GUCY1A2: variants seen among roughly 807,000 people sequenced by gnomAD.
GUCY1A2 encodes guanylate cyclase 1 soluble subunit alpha 2, also known as guanylate cyclase soluble subunit alpha-2.
In GUCY1A2, 27 loss-of-function variants were observed where a neutral mutation model predicts 63.5. That is an observed-to-expected ratio of 0.43 (90% CI 0.31 to 0.59). The LOEUF is 0.59. Among genes scored for constraint, GUCY1A2 ranks in the 20% least tolerant of loss-of-function variants. The pLI is 0.11. For missense variants in GUCY1A2, 768 were observed against 913.3 expected (o/e 0.84, Z 2.05); for synonymous variants, 364 against 343.5 (o/e 1.06, Z -0.66).
At position 106,946,985 on chromosome 11, in the gene GUCY1A2, G is replaced by A. The variant is rs145712036; in HGVS notation, c.488-6807C>T. On this transcript the variant is annotated intron_variant, in intron 3 of 7. Coordinates refer to ENST00000526355, the MANE Select transcript of GUCY1A2 (RefSeq NM_000855.3). ...TGTAATCCCAGCACTTTGGGAGGCCGAGGCGGGTGGATAATGAAGTCAGGA... is the reference window on the plus strand; with the variant it reads ...TGTAATCCCAGCACTTTGGGAGGCCAAGGCGGGTGGATAATGAAGTCAGGA... Among the ~76,000 whole-genome samples the A allele has an allele frequency of 8.2e-3, 1,253 of 152,170 alleles. 12 individuals are homozygous for A. Among genetic ancestry groups the A allele is most frequent in the African/African-American group, 0.028 (1,161 of 41,522 alleles).
intron 4 of GUCY1A2, among the ~76,000 whole-genome samples, chr11:106,812,122 G>T (rs759752056): frequency 1.3e-5 from 2 of 151,804 alleles, no homozygotes; most frequent in African/African-American, 4.8e-5. Flanking sequence ...GATCTTAAGG[G>T]CATGGTAAGG....
intron 4 of GUCY1A2, among the ~76,000 whole-genome samples, chr11:106,835,915 T>C (rs1004194006): frequency 6.6e-6 from 1 of 151,564 alleles, no homozygotes; most frequent in Non-Finnish European, 1.5e-5. Context: ...ATTAAAAAAA[T>C]AGGAAACAAA....
chr11:106,839,559 C>T (rs188598451), intron 4 of GUCY1A2, among the ~76,000 whole-genome samples: 9 of 151,956 alleles, frequency 5.9e-5, no homozygotes, highest in African/African-American at 1.7e-4. Context: ...CACATGCACA[C>T]GTATGTTTAT....
intron 4 of GUCY1A2, among the ~76,000 whole-genome samples, chr11:106,936,409 G>T (rs1860677874): frequency 6.6e-6 from 1 of 152,126 alleles, no homozygotes; most frequent in African/African-American, 2.4e-5. Context: ...AATCTGTTGG[G>T]TTTTTTAAAA....
chr11:106,975,464 A>G (rs577686788), intron 3 of GUCY1A2, among the ~76,000 whole-genome samples: 1 of 152,314 alleles, frequency 6.6e-6, no homozygotes, highest in Non-Finnish European at 1.5e-5. Context: ...TATGCAAAAG[A>G]CATTATGTAC....
chr11:106,836,722 C>T (rs777255414), intron 4 of GUCY1A2, among the ~76,000 whole-genome samples: 4 of 151,906 alleles, frequency 2.6e-5, no homozygotes, highest in Non-Finnish European at 5.9e-5. Flanking sequence ...ATTAGCATCA[C>T]ATGCCATTTT....
intron 5 of GUCY1A2, among the ~76,000 whole-genome samples, chr11:106,804,158 A>G (rs920566371): frequency 1.3e-5 from 2 of 152,222 alleles, no homozygotes; most frequent in African/African-American, 4.8e-5. Flanking sequence ...TTATTGAGTG[A>G]ATGAATGAGT....
At chr11:106,934,625 C>A (rs1055172039) in intron 4 of GUCY1A2, among the ~76,000 whole-genome samples, 3 of 152,086 alleles carry the variant, frequency 2.0e-5, no homozygotes, top group African/African-American at 7.2e-5. Context: ...TGTTTCCCAG[C>A]GTTTGATTGT....
chr11:106,904,767 C>CAAA (rs543493159), intron 4 of GUCY1A2, among the ~76,000 whole-genome samples: 1 of 145,380 alleles, frequency 6.9e-6, no homozygotes, highest in Non-Finnish European at 1.5e-5. Context: ...AGTGAGAGCT[C>CAAA]AAAAAAAAAC....
rs1291278947 is a variant in GUCY1A2 at position 106,708,672 on chromosome 11, G to T, written c.1837-6C>A. On this transcript the variant is annotated splice_polypyrimidine_tract_variant and splice_region_variant and intron_variant, in intron 6 of 7. Coordinates refer to ENST00000526355, the MANE Select transcript of GUCY1A2 (RefSeq NM_000855.3). ...GAGTGAATTCCTATCCTCATCTAAAGAAGAATGAAAGAGGAAAAGGAACAT... is the reference window on the plus strand; with the variant it reads ...GAGTGAATTCCTATCCTCATCTAAATAAGAATGAAAGAGGAAAAGGAACAT... The T allele has an allele frequency of 6.4e-7, 1 of 1,566,276 alleles. No individual in the cohort carries two copies. The highest frequency in any genetic ancestry group is 1.8e-5 in the Admixed American group (1 of 56,084).
chr11:106,813,010 GTT>G (rs774092262), intron 4 of GUCY1A2, among the ~76,000 whole-genome samples: 1 of 151,746 alleles, frequency 6.6e-6, no homozygotes, highest in African/African-American at 2.4e-5. Context: ...CTTGAATTAT[GTT>G]TCTCATAATT....
At chr11:106,897,575 G>A (rs1238099736) in intron 4 of GUCY1A2, among the ~76,000 whole-genome samples, 1 of 151,364 alleles carries the variant, frequency 6.6e-6, no homozygotes, top group Non-Finnish European at 1.5e-5. Flanking sequence ...ACTGATCTTT[G>A]ACAAAGGAGC....
chr11:106,823,055 T>C (rs1196807569), intron 4 of GUCY1A2, among the ~76,000 whole-genome samples: 2 of 152,200 alleles, frequency 1.3e-5, no homozygotes, highest in Non-Finnish European at 2.9e-5. Flanking sequence ...ATGATATTTG[T>C]TTAGTTTCCT....
intron 6 of GUCY1A2, among the ~76,000 whole-genome samples, chr11:106,743,346 T>C (rs1269161970): frequency 6.6e-6 from 1 of 152,204 alleles, no homozygotes; most frequent in Non-Finnish European, 1.5e-5. Context: ...GGGGCTTCTA[T>C]TAGCTCCACC....
At position 106,998,198 on chromosome 11, in the gene GUCY1A2, A is replaced by G. The variant is rs576432757; in HGVS notation, c.304-12067T>C. The stretch of plus-strand genomic sequence containing the variant: ...AAAGACATCAAAACTTGCTCACTTG[A>G]GAACCAAACTGTAAACTATGTAGTA... On this transcript the variant is annotated intron_variant, in intron 1 of 7. Coordinates refer to ENST00000526355, the MANE Select transcript of GUCY1A2 (RefSeq NM_000855.3). Among the ~76,000 whole-genome samples, 4 of 152,308 alleles carry G rather than the reference A, an allele frequency of 2.6e-5. No individual in the cohort carries two copies. In the South Asian group the frequency reaches 8.3e-4, roughly 32 times the overall value.
chr11:106,847,259 A>T (rs12575226), intron 4 of GUCY1A2, among the ~76,000 whole-genome samples: 7,249 of 141,178 alleles, frequency 0.051, 607 homozygotes, highest in East Asian at 0.25. Flanking sequence ...TATATATATA[A>T]AAAATTGTGG....
chr11:106,841,934 C>T (rs1859204336), intron 4 of GUCY1A2, among the ~76,000 whole-genome samples: 1 of 151,814 alleles, frequency 6.6e-6, no homozygotes, highest in Admixed American at 6.6e-5. Context: ...CTCTTCAGAA[C>T]CACCTTCCAC....
chr11:106,920,620 C>T (rs1190111010), intron 4 of GUCY1A2, among the ~76,000 whole-genome samples: 1 of 152,006 alleles, frequency 6.6e-6, no homozygotes, highest in African/African-American at 2.4e-5. Context: ...TTTGTTTAAA[C>T]ATTTCCATTT....
intron 5 of GUCY1A2, among the ~76,000 whole-genome samples, chr11:106,793,513 T>G (rs985170677): frequency 6.6e-6 from 1 of 151,440 alleles, no homozygotes; most frequent in South Asian, 2.1e-4. Flanking sequence ...TACATCAGAC[T>G]AAAAATATTC....
Sources: allele counts gnomAD v4.1 joint callset (sites outside exome capture counted in the v4.1 genomes callset), GRCh38; gene constraint gnomAD v4.1.1; transcripts MANE v1.5; gene names NCBI Gene and HGNC (gene_info 2026-07-23, HGNC 2026-07-21).